ZMYND8: variants seen among roughly 807,000 people sequenced by gnomAD.
ZMYND8 encodes zinc finger MYND-type containing 8.
ZMYND8 carries 37 observed loss-of-function variants against 140.8 expected under a neutral mutation model. The ratio of observed to expected loss-of-function variants is 0.26; its 90% CI spans 0.20 to 0.35. The LOEUF (loss-of-function observed/expected upper bound fraction) is 0.35, where lower values mean the gene tolerates loss of function less well. Among genes scored for constraint, ZMYND8 ranks in the 10% least tolerant of loss-of-function variants. ZMYND8 has a pLI of 1.00. For missense variants in ZMYND8, 1,068 were observed against 1,570.0 expected, an observed-to-expected ratio of 0.68 and a Z score of 5.40; for synonymous variants, 592 against 597.1, an observed-to-expected ratio of 0.99 and a Z score of 0.12.
chr20:47,300,943 TG>T (rs1473407257), intron 3 of ZMYND8, among the ~76,000 whole-genome samples: 1 of 151,236 alleles, frequency 6.6e-6, no homozygotes, highest in East Asian at 1.9e-4. Flanking sequence ...TGTTTTGTTT[TG>T]TTTTTTTTGT....
At chr20:47,350,578 C>T (rs760946075) in intron 1 of ZMYND8, among the ~76,000 whole-genome samples, 13 of 151,884 alleles carry the variant, frequency 8.6e-5, no homozygotes, top group Non-Finnish European at 1.8e-4. Context: ...AATTGCCCCA[C>T]TGATGTTGGT....
intron 2 of ZMYND8, among the ~76,000 whole-genome samples, chr20:47,313,375 C>T (rs1192782016): frequency 6.6e-6 from 1 of 152,246 alleles, no homozygotes; most frequent in Admixed American, 6.5e-5. Context: ...GTAATCCCAG[C>T]ACTTTGGGAG....
At chr20:47,245,955 A>C (rs2147279784) in intron 14 of ZMYND8, 53 bp downstream of exon 14, 4 of 1,533,554 alleles carry the variant, frequency 2.6e-6, no homozygotes, top group Non-Finnish European at 3.5e-6. Flanking sequence ...TAAGTGTACG[A>C]GGTAGGATTC....
chr20:47,241,045 C>T (rs995834335), intron 14 of ZMYND8, among the ~76,000 whole-genome samples: 2 of 151,764 alleles, frequency 1.3e-5, no homozygotes, highest in Non-Finnish European at 2.9e-5. Context: ...CCTGTAATCC[C>T]AGCACTTTGG....
At chr20:47,352,310 T>C (rs1346378498) in intron 1 of ZMYND8, among the ~76,000 whole-genome samples, 1 of 152,190 alleles carries the variant, frequency 6.6e-6, no homozygotes, top group Non-Finnish European at 1.5e-5. Context: ...CACCTCAGTC[T>C]ACGGCAAAGG....
At chr20:47,211,031 G>A (rs1004522600) in intron 22 of ZMYND8, 134 bp from the exon 23 acceptor site, 41 of 1,217,264 alleles carry the variant, frequency 3.4e-5, no homozygotes, top group Non-Finnish European at 4.3e-5. Context: ...CACTGCCACC[G>A]CTGACTGCCC....
chr20:47,259,575 C>T (rs756318086), intron 12 of ZMYND8, among the ~76,000 whole-genome samples: 10 of 152,106 alleles, frequency 6.6e-5, no homozygotes, highest in Non-Finnish European at 1.2e-4. Flanking sequence ...CACAGGTGGC[C>T]GCCCTCTCTT....
chr20:47,337,995 A>C (rs1389806100), intron 2 of ZMYND8, among the ~76,000 whole-genome samples: 1 of 152,058 alleles, frequency 6.6e-6, no homozygotes, highest in Non-Finnish European at 1.5e-5. Flanking sequence ...GGAATTCTGC[A>C]CCAATTATTG....
At chr20:47,349,574 G>C (rs1161368801) in intron 1 of ZMYND8, among the ~76,000 whole-genome samples, 1 of 152,222 alleles carries the variant, frequency 6.6e-6, no homozygotes, top group Non-Finnish European at 1.5e-5. Context: ...ACTGGATGCT[G>C]TTGATGGGTT....
chr20:47,267,882 C>G (rs962121829), intron 11 of ZMYND8, among the ~76,000 whole-genome samples: 1 of 152,180 alleles, frequency 6.6e-6, no homozygotes, highest in Non-Finnish European at 1.5e-5. Flanking sequence ...CACACTGGCT[C>G]GAATTCCTCC....
At position 47,290,085 on chromosome 20, in the gene ZMYND8, T is replaced by C. The variant is rs2077161736; in HGVS notation, c.748+102A>G. 5 of 1,105,476 alleles carry C rather than the reference T, an allele frequency of 4.5e-6. No homozygotes were observed. In the East Asian group the frequency reaches 1.3e-4, roughly 28 times the overall value. The allele number at this position is 1,105,476 out of a possible 1,614,324, so 68.5% of individuals were successfully genotyped here. ...TATATTAGCACAATCTATACGCAAG[T>C]ATTCTCAATATGAATTAAGAGCCTG... On this transcript the variant is annotated intron_variant, in intron 7 of 22. Transcript: ENST00000471951.
At chr20:47,312,280 G>A (rs1267925157) in intron 2 of ZMYND8, among the ~76,000 whole-genome samples, 1 of 152,190 alleles carries the variant, frequency 6.6e-6, no homozygotes, top group Non-Finnish European at 1.5e-5. Context: ...AAAAGGCAAA[G>A]TATCTTCCAG....
intron 12 of ZMYND8, among the ~76,000 whole-genome samples, chr20:47,261,434 G>A (rs1210128364): frequency 6.6e-6 from 1 of 152,018 alleles, no homozygotes; most frequent in African/African-American, 2.4e-5. Context: ...GCTACTCAGG[G>A]AGGGTGAGGC....
At chr20:47,271,633 C>T (rs963800980) in intron 11 of ZMYND8, among the ~76,000 whole-genome samples, 10 of 152,208 alleles carry the variant, frequency 6.6e-5, no homozygotes, top group African/African-American at 2.4e-4. Flanking sequence ...GCGCTGGAAA[C>T]ACAATCTAAG....
chr20:47,259,756 G>T (rs746832280), intron 12 of ZMYND8, among the ~76,000 whole-genome samples: 7 of 152,148 alleles, frequency 4.6e-5, no homozygotes, highest in Admixed American at 6.5e-5. Context: ...AATGGGGCTG[G>T]AGTCTTTGTT....
At chr20:47,228,385 T>C (rs1209125713) in intron 17 of ZMYND8, among the ~76,000 whole-genome samples, 4 of 152,180 alleles carry the variant, frequency 2.6e-5, no homozygotes, top group Admixed American at 1.3e-4. Context: ...GCAGAAATGG[T>C]GTCTCTAATT....
intron 7 of ZMYND8, among the ~76,000 whole-genome samples, chr20:47,289,702 C>G (rs956726943): frequency 5.3e-5 from 8 of 152,126 alleles, no homozygotes; most frequent in Admixed American, 3.9e-4. Flanking sequence ...ATGAGAGCAG[C>G]CAGACACACA....
chr20:47,286,335 T>A (rs1418338235), intron 8 of ZMYND8, among the ~76,000 whole-genome samples: 1 of 152,042 alleles, frequency 6.6e-6, no homozygotes, highest in Non-Finnish European at 1.5e-5. Context: ...TGTTCCACCA[T>A]ACCCAGCTAA....
At chr20:47,268,073 T>TA (rs1012828532) in intron 11 of ZMYND8, among the ~76,000 whole-genome samples, 9 of 152,166 alleles carry the variant, frequency 5.9e-5, no homozygotes, top group African/African-American at 2.2e-4. Flanking sequence ...ATCAGGTGCA[T>TA]AATACATTCA....
Sources: gnomAD v4.1 joint callset for allele counts (sites outside exome capture counted in the v4.1 genomes callset) on GRCh38, gnomAD v4.1.1 for gene constraint, MANE v1.5 for transcripts, NCBI Gene and HGNC (gene_info 2026-07-23, HGNC 2026-07-21) for gene names.